CELSR1: variants seen among roughly 807,000 people sequenced by gnomAD.
CELSR1 encodes cadherin EGF LAG seven-pass G-type receptor 1.
In CELSR1, 110 loss-of-function variants were observed where a neutral mutation model predicts 249.1. The ratio of observed to expected loss-of-function variants is 0.44; its 90% CI spans 0.38 to 0.52. The LOEUF (loss-of-function observed/expected upper bound fraction) is 0.52. Ranked by LOEUF, CELSR1 falls within the 20% of genes least tolerant of loss-of-function variation. CELSR1 has a pLI of 0.00. For missense variants in CELSR1, 4,109 were observed against 4,296.4 expected (o/e 0.96, Z 1.22); for synonymous variants, 2,113 against 1,900.0 (o/e 1.11, Z -2.92).
rs889659618 is a variant in CELSR1 at position 46,427,205 on chromosome 22, C to G, written c.4611+6188G>C. ...CCCAAAGCAATGAGCACACCAAGCA[C>G]CCAGATCTGGATTTCTAAATGCCAC... On this transcript the variant is annotated intron_variant, in intron 5 of 34. Coordinates refer to ENST00000674500, the MANE Select transcript of CELSR1 (RefSeq NM_001378328.1). The surrounding 1 kb of genome is among the most constrained non-coding windows in gnomAD (Gnocchi z 4.2). Among the ~76,000 whole-genome samples the G allele has an allele frequency of 3.3e-5, 5 of 152,160 alleles. No individual in the cohort carries two copies. In the East Asian group the frequency reaches 9.6e-4, roughly 29 times the overall value.
At chr22:46,435,008 A>G (rs999272783) in intron 4 of CELSR1, among the ~76,000 whole-genome samples, 1 of 151,996 alleles carries the variant, frequency 6.6e-6, no homozygotes, top group African/African-American at 2.4e-5. Context: ...AAAGAAGAAC[A>G]AAAACAAAAA....
rs918540086 is a variant in CELSR1, at chr22:46,412,428, G to T, written c.4612-669C>A. Among the ~76,000 whole-genome samples the T allele has an allele frequency of 4.6e-5, 7 of 152,156 alleles. No homozygotes were observed. Among genetic ancestry groups the T allele is most frequent in the Non-Finnish European group, 1.5e-5 (1 of 68,020 alleles). On this transcript the variant is annotated intron_variant, in intron 5 of 34. Coordinates refer to ENST00000674500, the MANE Select transcript of CELSR1 (RefSeq NM_001378328.1). This position sits in a 1 kb window ranked among gnomAD's most constrained non-coding sequence, Gnocchi z 4.5. ...TCCTCCTGACCACGGCACCTGGCCAGGTTCGTGCTCCTGGAGTACAGACAC... is the reference window on the plus strand; with the variant it reads ...TCCTCCTGACCACGGCACCTGGCCATGTTCGTGCTCCTGGAGTACAGACAC...
chr22:46,502,447 T>G (rs866098159), intron 1 of CELSR1, among the ~76,000 whole-genome samples: 73 of 42,460 alleles, frequency 1.7e-3, no homozygotes, highest in Admixed American at 3.3e-3. Flanking sequence ...AAGGGTAAAG[T>G]GGAAAGAAGA....
chr22:46,489,168 T>C (rs1003933278), intron 1 of CELSR1, among the ~76,000 whole-genome samples: 7 of 151,910 alleles, frequency 4.6e-5, no homozygotes, highest in African/African-American at 1.7e-4. Context: ...GATGGCGAAG[T>C]GCCCTTCCTC....
In CELSR1 at chr22:46,380,750, G is replaced by C. The variant is rs2078968845; in HGVS notation, c.7256+38C>G. On this transcript the variant is annotated intron_variant, in intron 22 of 34. Coordinates refer to ENST00000674500, the MANE Select transcript of CELSR1 (RefSeq NM_001378328.1). The surrounding 1 kb of genome is among the most constrained non-coding windows in gnomAD (Gnocchi z 5.1). ...GACCCTGCGGGGGCACTCTGCCTTG[G>C]CAAAGCCCTCACATGGGGCTCCTGG... 1 of 1,601,334 alleles carries C rather than the reference G, an allele frequency of 6.2e-7. No homozygotes were observed. The highest frequency in any genetic ancestry group is 1.7e-4 in the Middle Eastern group (1 of 6,010).
chr22:46,398,235 G>A lies in CELSR1; in HGVS notation c.5526+289C>T, dbSNP rs2079172466. 6.6e-6 allele frequency among the ~76,000 whole-genome samples: 1 copy of A among 152,154 alleles called. No individual in the cohort carries two copies. Among genetic ancestry groups the A allele is most frequent in the African/African-American group, 2.4e-5 (1 of 41,430 alleles). ...GTCTGTGGTTGGACTGGGTGGGGGT[G>A]GCGGCAAGGGGCTCGATTCAGGACA... On this transcript the variant is annotated intron_variant, in intron 11 of 34. Transcript: ENST00000674500. This position sits in a 1 kb window ranked among gnomAD's most constrained non-coding sequence, Gnocchi z 7.2.
chr22:46,382,185 C>G, intron 20 of CELSR1, 135 bp from the exon 21 acceptor site: 1 of 799,074 alleles, frequency 1.3e-6, no homozygotes, highest in Non-Finnish European at 1.9e-6. Context: ...CCCAAAAAAT[C>G]AAAAACAGGA....
rs200116798 is a variant in CELSR1 at position 46,364,519 on chromosome 22, C to T, written c.8772G>A (p.Gln2924=). ...CCCGGCCTCCCCAGGCACCTTTCCTCTGCTCTGGGGGCTGGCTGCTAGCAA... is the reference window on the plus strand; with the variant it reads ...CCCGGCCTCCCCAGGCACCTTTCCTTTGCTCTGGGGGCTGGCTGCTAGCAA... ...ARLASSQPPE[Q]RKGILKNKVT... is the part of the protein sequence containing the mutation. Residue 2924 remains glutamine, a synonymous_variant, in exon 33 of 35, where the codon CAG becomes CAA. Transcript: ENST00000674500. 14 of 1,609,698 alleles carry T rather than the reference C, an allele frequency of 8.7e-6. No individual in the cohort carries two copies. In the African/African-American group the frequency reaches 1.9e-4, roughly 21 times the overall value.
chr22:46,510,745 T>C (rs555273275), intron 1 of CELSR1, among the ~76,000 whole-genome samples: 6 of 152,336 alleles, frequency 3.9e-5, no homozygotes, highest in African/African-American at 1.4e-4. Context: ...CTTATCTTTG[T>C]GAACAAACCA....
chr22:46,516,590 TCGCCTCCCAAAGTG>T (rs1014092299), intron 1 of CELSR1, among the ~76,000 whole-genome samples: 1 of 151,990 alleles, frequency 6.6e-6, no homozygotes, highest in African/African-American at 2.4e-5. Flanking sequence ...GCCTCCTGCC[TCGCCTCCCAAAGTG>T]CTTGGGATTA....
intron 1 of CELSR1, among the ~76,000 whole-genome samples, chr22:46,521,745 A>T (rs146429783): frequency 2.8e-4 from 43 of 152,032 alleles, no homozygotes; most frequent in African/African-American, 1.0e-3. Context: ...TGAACCCAGG[A>T]GGTAGAGGCC....
intron 2 of CELSR1, among the ~76,000 whole-genome samples, chr22:46,457,475 C>T (rs938109802): frequency 1.3e-5 from 2 of 152,198 alleles, no homozygotes; most frequent in African/African-American, 4.8e-5. Flanking sequence ...TCTGCCTCTA[C>T]CCAGACATGA....
At chr22:46,457,509 C>T (rs531887159) in intron 2 of CELSR1, among the ~76,000 whole-genome samples, 62 of 152,280 alleles carry the variant, frequency 4.1e-4, no homozygotes, top group African/African-American at 1.2e-3. Flanking sequence ...GACTTGTTGC[C>T]GTCCCCCTCC....
chr22:46,477,635 G>A lies in CELSR1; in HGVS notation c.3545-13290C>T, dbSNP rs184907418. ...CGATTTCCCTGCCTCAGCCTCCCAAGTAGCTGGGGCTACAGACGTGGGCCA... is the reference window on the plus strand; with the variant it reads ...CGATTTCCCTGCCTCAGCCTCCCAAATAGCTGGGGCTACAGACGTGGGCCA... On this transcript the variant is annotated intron_variant, in intron 1 of 34. Coordinates refer to ENST00000674500, the MANE Select transcript of CELSR1 (RefSeq NM_001378328.1). 8.4e-3 allele frequency among the ~76,000 whole-genome samples: 1,265 copies of A among 150,668 alleles called. 22 individuals carry two copies. Among genetic ancestry groups the A allele is most frequent in the African/African-American group, 0.03 (1,227 of 41,052 alleles).
At position 46,362,330 on chromosome 22, in the gene CELSR1, C is replaced by T. The variant is rs994591142; in HGVS notation, c.*893G>A. On this transcript the variant is annotated 3_prime_UTR_variant, in exon 35 of 35. Transcript: ENST00000674500. ...ACAGTGACCTCAGCAGGGCTCCTCACACCTGCCTAGTGCTGCACTGCCCTG... is the reference window on the plus strand; with the variant it reads ...ACAGTGACCTCAGCAGGGCTCCTCATACCTGCCTAGTGCTGCACTGCCCTG... The T allele has an allele frequency of 3.3e-5, 5 of 152,332 alleles. No individual in the cohort carries two copies. Among genetic ancestry groups the T allele is most frequent in the African/African-American group, 1.2e-4 (5 of 41,474 alleles). 9.4% of individuals were successfully genotyped at this position (152,332 alleles called of 1,614,324 possible).
intron 4 of CELSR1, among the ~76,000 whole-genome samples, chr22:46,435,421 A>G (rs1421047848): frequency 2.0e-5 from 3 of 151,188 alleles, no homozygotes; most frequent in Non-Finnish European, 1.5e-5. Context: ...GGCTGGGATT[A>G]CAGGCAAGTG....
rs774706863 is a variant in CELSR1 at position 46,518,247 on chromosome 22, C to T, written c.3544+15380G>A. 3.9e-5 allele frequency among the ~76,000 whole-genome samples: 6 copies of T among 152,166 alleles called. No homozygotes were observed. The highest frequency in any genetic ancestry group is 3.2e-3 in the Middle Eastern group (1 of 316). ...TTCTAAAGGACATCTCAAAGCACAGCGCGGCCCCTCAGCACAGACGCTGCT... is the reference window on the plus strand; with the variant it reads ...TTCTAAAGGACATCTCAAAGCACAGTGCGGCCCCTCAGCACAGACGCTGCT... On this transcript the variant is annotated intron_variant, in intron 1 of 34. Transcript: ENST00000674500. The surrounding 1 kb of genome is among the most constrained non-coding windows in gnomAD (Gnocchi z 5.2).
rs923096794 is a variant in CELSR1 at position 46,380,675 on chromosome 22, C to T, written c.7256+113G>A. On this transcript the variant is annotated intron_variant, in intron 22 of 34. Coordinates refer to ENST00000674500, the MANE Select transcript of CELSR1 (RefSeq NM_001378328.1). The surrounding 1 kb of genome is among the most constrained non-coding windows in gnomAD (Gnocchi z 5.1). ...CCCCACGGGGGACTTAAAGGGGAAACACAGACCACAAGAGACCGTCCTCTT... is the reference window on the plus strand; with the variant it reads ...CCCCACGGGGGACTTAAAGGGGAAATACAGACCACAAGAGACCGTCCTCTT... 1.1e-5 allele frequency: 14 copies of T among 1,278,644 alleles called. No individual in the cohort carries two copies. Among genetic ancestry groups the T allele is most frequent in the Non-Finnish European group, 1.5e-5 (14 of 925,256 alleles). The allele number at this position is 1,278,644 out of a possible 1,614,324, so 79.2% of individuals were successfully genotyped here. A position where few individuals can be genotyped will look rare whatever the true frequency, so the allele number is the denominator to read the frequency against.
intron 1 of CELSR1, 61 bp downstream of exon 1, chr22:46,533,566 T>C (rs1230470018): frequency 1.3e-6 from 2 of 1,501,902 alleles, no homozygotes; most frequent in Non-Finnish European, 8.8e-7. Flanking sequence ...CCTTGGCGGG[T>C]TCCTGAGGCT....
Sources: allele counts gnomAD v4.1 joint callset (sites outside exome capture counted in the v4.1 genomes callset), GRCh38; gene constraint gnomAD v4.1.1; non-coding constraint Gnocchi (gnomAD v3.1); transcripts MANE v1.5; gene names NCBI Gene and HGNC (gene_info 2026-07-23, HGNC 2026-07-21).